The following ERI3 variants were observed in gnomAD, a reference collection of about 807,000 sequenced individuals.
The protein encoded by ERI3 is ERI1 exoribonuclease 3.
In ERI3, 18 loss-of-function variants were observed where a neutral mutation model predicts 44.4. That is an observed-to-expected ratio of 0.41 (90% confidence interval 0.28 to 0.60). The LOEUF is 0.60. Among genes scored for constraint, ERI3 ranks in the 20% least tolerant of loss-of-function variants. The probability of loss-of-function intolerance (pLI) is 0.36; values close to 1 mark genes in which losing one functional copy is unlikely to be tolerated. For missense variants in ERI3, 294 were observed against 435.5 expected, an observed-to-expected ratio of 0.68 and a Z score of 2.89; for synonymous variants, 183 against 164.8, an observed-to-expected ratio of 1.11 and a Z score of -0.84.
At chr1:44,245,931 T>G (rs1644546740) in intron 8 of ERI3, among the ~76,000 whole-genome samples, 1 of 152,190 alleles carries the variant, frequency 6.6e-6, no homozygotes, top group South Asian at 2.1e-4. Context: ...CCATCACTCT[T>G]TCATTGATTC....
chr1:44,330,115 G>C (rs1348357997), intron 3 of ERI3, among the ~76,000 whole-genome samples: 1 of 152,122 alleles, frequency 6.6e-6, no homozygotes, highest in Non-Finnish European at 1.5e-5. Flanking sequence ...CATGGACTCT[G>C]GCTTATAACA....
At chr1:44,242,939 A>T (rs968235034) in intron 8 of ERI3, among the ~76,000 whole-genome samples, 7 of 152,230 alleles carry the variant, frequency 4.6e-5, no homozygotes, top group African/African-American at 1.7e-4. Flanking sequence ...GAGGCGGCAG[A>T]GAAAAGGCTG....
intron 6 of ERI3, among the ~76,000 whole-genome samples, chr1:44,302,011 GC>G (rs1215615375): frequency 6.6e-6 from 1 of 152,132 alleles, no homozygotes; most frequent in Non-Finnish European, 1.5e-5. Flanking sequence ...TCCATTCTCA[GC>G]CCCCTTAGAA....
chr1:44,354,998 C>T lies in ERI3; in HGVS notation c.29G>A (p.Gly10Glu), dbSNP rs756310457. The T allele has an allele frequency of 2.1e-5, 29 of 1,380,128 alleles. No individual in the cohort carries two copies. Among genetic ancestry groups the T allele is most frequent in the Admixed American group, 3.1e-5 (1 of 32,616 alleles). 85.5% of individuals were successfully genotyped at this position (1,380,128 alleles called of 1,614,324 possible). ...TCCTTCCCAGGGCCGCCCCCGCCCC[C>T]CGTCAGCAGCGGGAGAGGCTGTCGC... The part of the protein sequence containing the change: MATASPAAD[G>E]GRGRPWEGGL... The change falls in exon 1 of 9, where the codon GGG becomes GAG. Residue 10 changes from glycine (G) to glutamate (E), a missense_variant. Coordinates refer to ENST00000372257, the MANE Select transcript of ERI3 (RefSeq NM_024066.3).
At chr1:44,223,265 G>A in intron 8 of ERI3, among the ~76,000 whole-genome samples, 1 of 152,128 alleles carries the variant, frequency 6.6e-6, no homozygotes, top group East Asian at 1.9e-4. Flanking sequence ...CCGCTCAGCT[G>A]AGGCCCCATC....
intron 6 of ERI3, among the ~76,000 whole-genome samples, chr1:44,287,276 G>A (rs1292722866): frequency 2.6e-5 from 4 of 152,174 alleles, no homozygotes; most frequent in African/African-American, 9.7e-5. Context: ...TGAGAGATAA[G>A]ACAGCGGAGA....
intron 8 of ERI3, among the ~76,000 whole-genome samples, chr1:44,229,554 G>T (rs1644127460): frequency 6.6e-6 from 1 of 152,136 alleles, no homozygotes; most frequent in Non-Finnish European, 1.5e-5. Flanking sequence ...ACAAATTAGG[G>T]AATAAATAGA....
chr1:44,345,553 A>C (rs1185470329), intron 2 of ERI3, among the ~76,000 whole-genome samples: 1 of 152,192 alleles, frequency 6.6e-6, no homozygotes, highest in East Asian at 1.9e-4. Context: ...ACCCAATCTG[A>C]CCTGCAGTAT....
At chr1:44,352,779 C>A in intron 2 of ERI3, 71 bp downstream of exon 2, 4 of 1,553,736 alleles carry the variant, frequency 2.6e-6, no homozygotes, top group South Asian at 1.1e-5. Flanking sequence ...TCAGCCCCCA[C>A]CCCCTACCCT....
chr1:44,294,858 T>A (rs979706692), intron 6 of ERI3, among the ~76,000 whole-genome samples: 3 of 152,234 alleles, frequency 2.0e-5, no homozygotes, highest in African/African-American at 7.2e-5. Context: ...CCTGTGGCCA[T>A]CTTGACCCTA....
At chr1:44,232,230 T>C (rs184797745) in intron 8 of ERI3, among the ~76,000 whole-genome samples, 112 of 152,322 alleles carry the variant, frequency 7.4e-4, no homozygotes, top group Non-Finnish European at 1.1e-3. Context: ...CCTTACAACA[T>C]AGAACTCACT....
At chr1:44,242,080 C>T (rs1644450960) in intron 8 of ERI3, 1 of 985,534 alleles carries the variant, frequency 1.0e-6, no homozygotes. Flanking sequence ...CAGTGCAGAC[C>T]CTGTCAATGA....
chr1:44,283,797 CAT>C lies in ERI3; in HGVS notation c.831+1036_831+1037del, dbSNP rs756207833. Among the ~76,000 whole-genome samples, 9 of 152,314 alleles carry C rather than the reference CAT, an allele frequency of 5.9e-5. No individual in the cohort carries two copies. The South Asian group carries it at 1.4e-3, about 25-fold the overall frequency. ...AGCTTTCTCTTCCACTGCTCCTCCA[CAT>C]GTTTGCTTAGCTCCAGCCCCCACAC... On this transcript the variant is annotated intron_variant, in intron 7 of 8. Coordinates refer to ENST00000372257, the MANE Select transcript of ERI3 (RefSeq NM_024066.3).
At chr1:44,301,342 AC>A (rs1196719848) in intron 6 of ERI3, among the ~76,000 whole-genome samples, 1 of 152,128 alleles carries the variant, frequency 6.6e-6, no homozygotes, top group East Asian at 1.9e-4. Flanking sequence ...TTCTGAGCCA[AC>A]CTTACCCATC....
intron 2 of ERI3, among the ~76,000 whole-genome samples, chr1:44,348,222 A>C (rs1187137358): frequency 6.6e-6 from 1 of 152,132 alleles, no homozygotes; most frequent in Non-Finnish European, 1.5e-5. Context: ...AAAGAGCGAA[A>C]AAGAGTGAAA....
intron 6 of ERI3, among the ~76,000 whole-genome samples, chr1:44,298,995 C>T (rs1645667863): frequency 6.6e-6 from 1 of 152,048 alleles, no homozygotes; most frequent in Non-Finnish European, 1.5e-5. Context: ...GAAGTCAGAA[C>T]GGTGGTTAGC....
chr1:44,308,794 G>A (rs1645893592), intron 5 of ERI3, among the ~76,000 whole-genome samples: 2 of 152,216 alleles, frequency 1.3e-5, no homozygotes, highest in African/African-American at 4.8e-5. Flanking sequence ...CCAAACAGGA[G>A]CTCCAACCCA....
Position 44,355,112 on chromosome 1 carries a change from G to A in ERI3, c.-86C>T. The A allele has an allele frequency of 3.2e-6, 4 of 1,243,132 alleles. No individual in the cohort carries two copies. The highest frequency in any genetic ancestry group is 4.1e-6 in the Non-Finnish European group (4 of 987,460). The allele number at this position is 1,243,132 out of a possible 1,614,324, so 77.0% of individuals were successfully genotyped here. On this transcript the variant is annotated 5_prime_UTR_variant, in exon 1 of 9. Coordinates refer to ENST00000372257, the MANE Select transcript of ERI3 (RefSeq NM_024066.3). ...CTCCCTCGGCCTCAGCAAGCGCTCA[G>A]GGCAGTTGGCGGCGGCGGGCGCGGC...
At chr1:44,273,296 T>C (rs942712795) in intron 7 of ERI3, among the ~76,000 whole-genome samples, 7 of 152,218 alleles carry the variant, frequency 4.6e-5, no homozygotes, top group Non-Finnish European at 8.8e-5. Context: ...GGCAATGAAT[T>C]TCTGTCTTTC....
Sources: gnomAD v4.1 joint callset for allele counts (sites outside exome capture counted in the v4.1 genomes callset) on GRCh38, gnomAD v4.1.1 for gene constraint, MANE v1.5 for transcripts, NCBI Gene and HGNC (gene_info 2026-07-23, HGNC 2026-07-21) for gene names.